TCFL5: variants seen among roughly 807,000 people sequenced by gnomAD.
TCFL5 encodes transcription factor-like 5 protein.
In TCFL5, 9 loss-of-function variants were observed where a neutral mutation model predicts 44.3. The observed-to-expected ratio is 0.20, with a 90% CI of 0.12 to 0.35. The LOEUF is 0.35. Ranked by LOEUF, TCFL5 falls within the 10% of genes least tolerant of loss-of-function variation. The pLI, the probability that TCFL5 is intolerant of heterozygous loss-of-function variation, is 1.00. For missense variants in TCFL5, 603 were observed against 613.4 expected (o/e 0.98, Z 0.18); for synonymous variants, 319 against 271.6 (o/e 1.17, Z -1.72).
Position 62,842,130 on chromosome 20 carries a change from A to C in TCFL5, c.1381-33T>G. ...GAAGAAGTGACGGTTAACATACTGA[A>C]TTAACTGACATGAAAACTGCTGTCT... On this transcript the variant is annotated intron_variant, in intron 5 of 5. Transcript: ENST00000335351. This position sits in a 1 kb window ranked among gnomAD's most constrained non-coding sequence, Gnocchi z 4.3. The C allele has an allele frequency of 6.2e-7, 1 of 1,612,636 alleles. No homozygotes were observed. The highest frequency in any genetic ancestry group is 1.1e-5 in the South Asian group (1 of 90,922).
At chr20:62,859,645 T>G (rs1340908773) in intron 2 of TCFL5, 119 bp from the exon 3 acceptor site, 8 of 872,992 alleles carry the variant, frequency 9.2e-6, no homozygotes, top group Non-Finnish European at 1.2e-5. Flanking sequence ...TGAAGAACTT[T>G]AGTTGCACTG....
intron 3 of TCFL5, among the ~76,000 whole-genome samples, chr20:62,858,877 A>T (rs1453202378): frequency 2.6e-5 from 4 of 152,008 alleles, no homozygotes. Flanking sequence ...GGGACTATGC[A>T]GGTTAGCGCA....
At chr20:62,858,564 A>C (rs2063932194) in intron 3 of TCFL5, among the ~76,000 whole-genome samples, 2 of 152,248 alleles carry the variant, frequency 1.3e-5, no homozygotes, top group Admixed American at 6.5e-5. Flanking sequence ...AACTCTTGGA[A>C]AGCTAAGTGT....
chr20:62,844,092 TG>T (rs1263485927), intron 5 of TCFL5, among the ~76,000 whole-genome samples: 1 of 152,202 alleles, frequency 6.6e-6, no homozygotes, highest in East Asian at 1.9e-4. Flanking sequence ...TTCACCTCTT[TG>T]GGGTTTATGC....
At position 62,844,578 on chromosome 20, in the gene TCFL5, TTTTG is replaced by T. The variant is rs770786310; in HGVS notation, c.1381-2485_1381-2482del. ...TTTTTTCTGTTTTTTTTTGTTTGTT[TTTTG>T]TTTTTTTTTTTTTGAGACCGAGTCT... On this transcript the variant is annotated intron_variant, in intron 5 of 5. Transcript: ENST00000335351. 3.2e-3 allele frequency among the ~76,000 whole-genome samples: 406 copies of T among 125,848 alleles called. 2 individuals are homozygous for T. Among genetic ancestry groups the T allele is most frequent in the African/African-American group, 0.015 (380 of 25,942 alleles). The allele number at this position is 125,848 out of a possible 152,430, so 82.6% of individuals were successfully genotyped here.
Position 62,842,068 on chromosome 20 carries a change from A to T in TCFL5, c.1410T>A (p.Thr470=), listed in dbSNP as rs1416524599. 1 of 1,614,116 alleles carries T rather than the reference A, an allele frequency of 6.2e-7. No individual in the cohort carries two copies. Among genetic ancestry groups the T allele is most frequent in the African/African-American group, 1.3e-5 (1 of 74,950 alleles). ...GTCTGGTCAGCTTTAGCCTTCGGCC[A>T]GTTTTACCGCAAAATACGCTCTCAA... The part of the protein sequence containing the change: ...KEFESVFCGK[T]GRRLKLTRPD... Residue 470 remains threonine (T), a synonymous_variant, in exon 6 of 6, where the codon ACT becomes ACA. Transcript: ENST00000335351. The surrounding 1 kb of genome is among the most constrained non-coding windows in gnomAD (Gnocchi z 4.3).
At chr20:62,856,723 AAAAG>A (rs2063898061) in intron 4 of TCFL5, among the ~76,000 whole-genome samples, 1 of 151,336 alleles carries the variant, frequency 6.6e-6, no homozygotes, top group Admixed American at 6.6e-5. Flanking sequence ...AAAAAAAAAA[AAAAG>A]AACCAGGCAA....
intron 2 of TCFL5, among the ~76,000 whole-genome samples, chr20:62,859,727 GT>G (rs918553945): frequency 1.0e-4 from 14 of 136,546 alleles, no homozygotes; most frequent in Admixed American, 2.2e-4. Context: ...TTGTTTTTTT[GT>G]TTTTTTTTTT....
intron 5 of TCFL5, among the ~76,000 whole-genome samples, chr20:62,853,343 C>CT (rs540357446): frequency 3.9e-5 from 1 of 25,824 alleles, no homozygotes; most frequent in East Asian, 8.6e-4. Context: ...GTTTCTCTTT[C>CT]TTTTTTGGGG....
rs554148970 is a variant in TCFL5 at position 62,846,823 on chromosome 20, A to T, written c.1381-4726T>A. ...AATAATAATACCAACAATAAAAAAA[A>T]TTTTCTTAGTAAGAAAAAAGAAATA... On this transcript the variant is annotated intron_variant, in intron 5 of 5. Transcript: ENST00000335351. Among the ~76,000 whole-genome samples the T allele has an allele frequency of 7.5e-4, 114 of 152,102 alleles. No homozygotes were observed. The South Asian group carries it at 0.017, about 23-fold the overall frequency.
chr20:62,859,586 G>A lies in TCFL5; in HGVS notation c.832-60C>T, dbSNP rs6090144. ...TATGTGGCTTACTCTCCTCTTTACT[G>A]CACAAATGAAATGCACTTAACAAAC... On this transcript the variant is annotated intron_variant, in intron 2 of 5. Transcript: ENST00000335351. The A allele has an allele frequency of 7.0e-3, 10,421 of 1,485,720 alleles. 557 individuals carry two copies. The African/African-American group carries it at 0.12, about 17-fold the overall frequency. 92.0% of individuals were successfully genotyped at this position (1,485,720 alleles called of 1,614,324 possible). A position where few individuals can be genotyped will look rare whatever the true frequency, so the allele number is the denominator to read the frequency against.
At chr20:62,857,243 G>T (rs1018060425) in intron 4 of TCFL5, 152 bp downstream of exon 4, 3 of 1,100,572 alleles carry the variant, frequency 2.7e-6, no homozygotes, top group African/African-American at 3.1e-5. Context: ...TAGTCTGGGG[G>T]ATCCTTGATC....
At position 62,861,266 on chromosome 20, in the gene TCFL5, G is replaced by T; in HGVS notation, c.405C>A (p.Ser135Arg). ...DFQELRMMLLSEAGAAEKTSG... is the reference protein window; with the variant it reads ...DFQELRMMLLREAGAAEKTSG... ...ACGTCTTCTCCGCCGCGCCCGCCTC[G>T]CTTAGCAGCATCATGCGCAGCTCCT... The change falls in exon 1 of 6, where the codon AGC (serine) becomes AGA (arginine). Residue 135 changes from serine (S) to arginine (R), a missense_variant. Coordinates refer to ENST00000335351, the MANE Select transcript of TCFL5 (RefSeq NM_006602.4). This position sits in a 1 kb window ranked among gnomAD's most constrained non-coding sequence, Gnocchi z 4.0. 1 of 1,213,956 alleles carries T rather than the reference G, an allele frequency of 8.2e-7. No homozygotes were observed. Among genetic ancestry groups the T allele is most frequent in the South Asian group, 1.7e-5 (1 of 60,026 alleles). 75.2% of individuals were successfully genotyped at this position (1,213,956 alleles called of 1,614,324 possible). A position where few individuals can be genotyped will look rare whatever the true frequency, so the allele number is the denominator to read the frequency against.
chr20:62,845,850 C>G (rs751807576), intron 5 of TCFL5: 2 of 1,587,410 alleles, frequency 1.3e-6, no homozygotes, highest in Non-Finnish European at 1.7e-6. Context: ...TGACAAAGAT[C>G]AGTTTGCGTG....
intron 4 of TCFL5, among the ~76,000 whole-genome samples, chr20:62,856,032 C>A (rs1387844245): frequency 2.0e-5 from 3 of 151,874 alleles, no homozygotes; most frequent in Admixed American, 2.0e-4. Flanking sequence ...AGGCGGATCA[C>A]AAGGTCAGGA....
At chr20:62,860,414 C>T (rs2063976550) in intron 1 of TCFL5, 106 bp from the exon 2 acceptor site, 2 of 962,864 alleles carry the variant, frequency 2.1e-6, no homozygotes, top group Non-Finnish European at 1.6e-6. Flanking sequence ...AGCAACCCAA[C>T]TCTCATCCTG....
At chr20:62,851,856 C>G (rs2063814349) in intron 5 of TCFL5, 2 of 980,484 alleles carry the variant, frequency 2.0e-6, no homozygotes, top group Non-Finnish European at 2.4e-6. Flanking sequence ...GTCACCCAGG[C>G]TGCAGTGCAG....
At chr20:62,860,060 C>A in intron 2 of TCFL5, 65 bp downstream of exon 2, 1 of 1,514,172 alleles carries the variant, frequency 6.6e-7, no homozygotes, top group Admixed American at 1.9e-5. Flanking sequence ...GGGACCTAAC[C>A]AAAATAAGTT....
chr20:62,856,216 CTAT>C (rs1410494077), intron 4 of TCFL5, among the ~76,000 whole-genome samples: 2 of 132,258 alleles, frequency 1.5e-5, no homozygotes, highest in Admixed American at 8.4e-5. Context: ...TGCCACTGCA[CTAT>C]TCCAGCCTGG....
Sources: gnomAD v4.1 joint callset for allele counts (sites outside exome capture counted in the v4.1 genomes callset) on GRCh38, gnomAD v4.1.1 for gene constraint, Gnocchi (gnomAD v3.1) non-coding constraint, MANE v1.5 for transcripts, NCBI Gene and HGNC (gene_info 2026-07-23, HGNC 2026-07-21) for gene names.